MYO9A: variants seen among roughly 807,000 people sequenced by gnomAD.
MYO9A encodes the protein unconventional myosin-IXa.
A neutral mutation model predicts 293.3 loss-of-function variants in MYO9A; 103 were observed. The observed-to-expected ratio is 0.35, with a 90% CI of 0.30 to 0.41. The LOEUF (loss-of-function observed/expected upper bound fraction) is 0.41. Ranked by LOEUF, MYO9A falls within the 10% of genes least tolerant of loss-of-function variation. The pLI is 1.00. For missense variants in MYO9A, 2,685 were observed against 3,033.0 expected (o/e 0.89, Z 2.69); for synonymous variants, 1,001 against 1,035.7 (o/e 0.97, Z 0.64).
chr15:71,875,212 A>G (rs2056647421), intron 32 of MYO9A, among the ~76,000 whole-genome samples: 1 of 152,026 alleles, frequency 6.6e-6, no homozygotes, highest in Admixed American at 6.6e-5. Flanking sequence ...TGTATATATG[A>G]TAACATCATA....
In MYO9A at chr15:71,913,474, T is replaced by G. The variant is rs571090162; in HGVS notation, c.2685+2896A>C. On this transcript the variant is annotated intron_variant, in intron 19 of 41. Coordinates refer to ENST00000356056, the MANE Select transcript of MYO9A (RefSeq NM_006901.4). ...AAAAATCTATTTTGTTCTTATCATA[T>G]TCATGTTTTTTGTTATGTCTTTGGG... Among the ~76,000 whole-genome samples the G allele has an allele frequency of 7.2e-5, 11 of 152,360 alleles. No homozygotes were observed. In the South Asian group the frequency reaches 1.4e-3, roughly 20 times the overall value.
chr15:71,893,008 G>C, intron 26 of MYO9A: 1 of 1,289,416 alleles, frequency 7.8e-7, no homozygotes, highest in African/African-American at 1.5e-5. Context: ...GCTGGGTGCA[G>C]GCCCTAGCTC....
intron 10 of MYO9A, chr15:71,993,903 A>G (rs941654512): frequency 1.4e-4 from 20 of 147,454 alleles, no homozygotes; most frequent in South Asian, 2.2e-4. Context: ...CGGAGGTTGT[A>G]GCGAGATCAT....
intron 1 of MYO9A, among the ~76,000 whole-genome samples, chr15:72,100,841 C>T (rs1203184788): frequency 2.7e-5 from 4 of 150,914 alleles, no homozygotes; most frequent in East Asian, 2.0e-4. Context: ...CGTCTCCGCC[C>T]GGCCAGCCGC....
intron 19 of MYO9A, among the ~76,000 whole-genome samples, chr15:71,914,389 G>A (rs1320040974): frequency 1.3e-5 from 2 of 152,164 alleles, no homozygotes; most frequent in Admixed American, 6.5e-5. Context: ...AATCCTTTGT[G>A]AGTTCTATGG....
At chr15:72,082,511 C>T (rs2079577582) in intron 1 of MYO9A, among the ~76,000 whole-genome samples, 1 of 152,108 alleles carries the variant, frequency 6.6e-6, no homozygotes, top group African/African-American at 2.4e-5. Flanking sequence ...GACTTCCTCT[C>T]TTCCTATTTA....
chr15:71,974,505 C>T (rs926671848), intron 12 of MYO9A, among the ~76,000 whole-genome samples: 1 of 152,142 alleles, frequency 6.6e-6, no homozygotes, highest in Non-Finnish European at 1.5e-5. Context: ...TTTTTTTCTT[C>T]CCCAGATGAC....
chr15:71,947,699 G>A (rs907399259), intron 15 of MYO9A, among the ~76,000 whole-genome samples: 5 of 152,172 alleles, frequency 3.3e-5, no homozygotes, highest in Admixed American at 6.5e-5. Flanking sequence ...CATTAAAGTA[G>A]GCACTGTCAG....
intron 27 of MYO9A, among the ~76,000 whole-genome samples, chr15:71,884,986 C>G (rs2056979502): frequency 1.4e-5 from 2 of 143,252 alleles, no homozygotes; most frequent in Non-Finnish European, 3.0e-5. Context: ...TAAAAAAAAG[C>G]TTATTACTAA....
intron 30 of MYO9A, among the ~76,000 whole-genome samples, chr15:71,878,549 T>G (rs751013296): frequency 1.3e-5 from 2 of 152,154 alleles, no homozygotes; most frequent in South Asian, 4.2e-4. Flanking sequence ...CTTAATTACT[T>G]TCCTCCCCAG....
rs547434694 is a variant in MYO9A at position 72,056,594 on chromosome 15, G to A, written c.-71-9960C>T. Among the ~76,000 whole-genome samples, 66 of 152,344 alleles carry A rather than the reference G, an allele frequency of 4.3e-4. 2 individuals are homozygous for A. In the South Asian group the frequency reaches 0.014, roughly 32 times the overall value. ...TGAACTTTGGGGACTTGGGGGAAAA[G>A]GTGGGAGGTGGGTGAGGGATAACAA... On this transcript the variant is annotated intron_variant, in intron 1 of 41. Transcript: ENST00000356056.
At chr15:72,041,074 A>C in intron 2 of MYO9A, 1 of 455,840 alleles carries the variant, frequency 2.2e-6, no homozygotes, top group Non-Finnish European at 4.3e-6. Flanking sequence ...GTAAAACTCC[A>C]TCTCTACAAA....
chr15:72,090,712 G>A (rs990969902), intron 1 of MYO9A, among the ~76,000 whole-genome samples: 19 of 152,150 alleles, frequency 1.2e-4, no homozygotes, highest in African/African-American at 4.6e-4. Flanking sequence ...CAGTCACACA[G>A]TGAGGGGTTC....
At chr15:71,894,944 T>TA (rs1003254651) in intron 25 of MYO9A, among the ~76,000 whole-genome samples, 37 of 152,296 alleles carry the variant, frequency 2.4e-4, no homozygotes, top group African/African-American at 8.7e-4. Flanking sequence ...TAGCTAAAAT[T>TA]AGACACTAAC....
Position 71,879,804 on chromosome 15 carries a change from C to G in MYO9A, c.5656G>C (p.Asp1886His). ...NDLDNEDSKK[D>H]TLVDVVFKKA... ...TTAAATACAACATCCACTAGTGTAT[C>G]CTTCTTGCTGTCTTCATTATCTAGG... Residue 1886 changes from aspartate (D) to histidine (H), a missense_variant, in exon 30 of 42, where the codon GAT becomes CAT. Coordinates refer to ENST00000356056, the MANE Select transcript of MYO9A (RefSeq NM_006901.4). 1 of 1,613,408 alleles carries G rather than the reference C, an allele frequency of 6.2e-7. No homozygotes were observed. The highest frequency in any genetic ancestry group is 8.5e-7 in the Non-Finnish European group (1 of 1,179,606).
chr15:71,912,153 C>A (rs2144538947), intron 19 of MYO9A, among the ~76,000 whole-genome samples: 1 of 152,244 alleles, frequency 6.6e-6, no homozygotes, highest in African/African-American at 2.4e-5. Context: ...TTCCACTTAG[C>A]CCCACTTTAG....
chr15:71,854,739 T>C (rs2055796752), intron 34 of MYO9A, among the ~76,000 whole-genome samples, 170 bp from the exon 35 acceptor site: 1 of 152,214 alleles, frequency 6.6e-6, no homozygotes, highest in Admixed American at 6.5e-5. Context: ...GAGATATTAG[T>C]TTCAATCCTT....
intron 1 of MYO9A, among the ~76,000 whole-genome samples, chr15:72,108,105 AG>A (rs1475222420): frequency 6.6e-6 from 1 of 152,244 alleles, no homozygotes; most frequent in Non-Finnish European, 1.5e-5. Context: ...TAAAATTATT[AG>A]AGAAAGAATA....
At position 71,897,974 on chromosome 15, in the gene MYO9A, T is replaced by C. The variant is rs2057379526; in HGVS notation, c.4529A>G (p.Lys1510Arg). The C allele has an allele frequency of 6.2e-7, 1 of 1,614,048 alleles. No homozygotes were observed. The highest frequency in any genetic ancestry group is 1.3e-5 in the African/African-American group (1 of 74,918). The stretch of plus-strand genomic sequence containing the variant: ...CTGGCGAATCTGTTCCATCATCTCT[T>C]TTTCATTCTGTTGCTGCAACTGTTT... ...RQKQLQQQNE[K>R]EMMEQIRQQT... Residue 1510 changes from lysine to arginine, a missense_variant, in exon 25 of 42, where the codon AAA (lysine) becomes AGA (arginine). Physicochemically the swap from Lys to Arg is conservative, Grantham distance 26. Around this residue, in one of 10 missense-constraint regions of MYO9A, gnomAD observed 1,434 missense variants for 1,497.7 expected, o/e 0.96. Transcript: ENST00000356056.
Sources: gnomAD v4.1 joint callset for allele counts (sites outside exome capture counted in the v4.1 genomes callset) on GRCh38, gnomAD v4.1.1 for gene constraint, gnomAD v4.1.1 regional missense constraint, MANE v1.5 for transcripts, NCBI Gene and HGNC (gene_info 2026-07-23, HGNC 2026-07-21) for gene names.